Variants in PTPRN2 observed in about 807,000 individuals in gnomAD.
PTPRN2 encodes receptor-type tyrosine-protein phosphatase N2.
A neutral mutation model predicts 118.8 loss-of-function variants in PTPRN2; 74 were observed. That is an observed-to-expected ratio of 0.62 (90% CI 0.52 to 0.76). The LOEUF (loss-of-function observed/expected upper bound fraction) is 0.76. Among genes scored for constraint, PTPRN2 ranks in the 30% least tolerant of loss-of-function variants. The probability of loss-of-function intolerance (pLI) is 0.00; values close to 1 mark genes in which losing one functional copy is unlikely to be tolerated. For synonymous variants in PTPRN2, 641 were observed against 608.0 expected, an observed-to-expected ratio of 1.05 and a Z score of -0.80; for missense variants, 1,481 against 1,394.4, an observed-to-expected ratio of 1.06 and a Z score of -0.99.
chr7:158,145,385 G>A (rs998674208), intron 6 of PTPRN2, among the ~76,000 whole-genome samples: 1 of 152,212 alleles, frequency 6.6e-6, no homozygotes. Flanking sequence ...CGTGAGAAGG[G>A]GCGGCAGTGC....
chr7:157,760,992 T>G (rs991942599), intron 12 of PTPRN2, among the ~76,000 whole-genome samples: 15 of 152,036 alleles, frequency 9.9e-5, no homozygotes, highest in Admixed American at 3.9e-4. Context: ...TGAACTCCCA[T>G]TCACAATTGC....
intron 3 of PTPRN2, among the ~76,000 whole-genome samples, chr7:158,314,682 T>TCC (rs1424080518): frequency 1.3e-5 from 2 of 151,962 alleles, no homozygotes; most frequent in Non-Finnish European, 2.9e-5. Context: ...CACGCGTTTC[T>TCC]CTCAACCCGC....
chr7:157,982,150 C>T (rs1262714883), intron 11 of PTPRN2, among the ~76,000 whole-genome samples: 1 of 127,948 alleles, frequency 7.8e-6, no homozygotes, highest in Non-Finnish European at 1.8e-5. Flanking sequence ...CCCCATAAAC[C>T]CCGAGTCACA....
intron 12 of PTPRN2, among the ~76,000 whole-genome samples, chr7:157,837,970 C>A (rs1156914444): frequency 7.9e-5 from 12 of 151,282 alleles, no homozygotes; most frequent in Admixed American, 7.9e-4. Flanking sequence ...GTGGATGGCA[C>A]GGGAGAAAGC....
chr7:158,222,681 C>T (rs1246194416), intron 3 of PTPRN2, among the ~76,000 whole-genome samples: 1 of 152,052 alleles, frequency 6.6e-6, no homozygotes, highest in Non-Finnish European at 1.5e-5. Flanking sequence ...ACACAATTCA[C>T]CCATGCATAT....
chr7:158,569,681 C>G (rs917894179), intron 1 of PTPRN2, among the ~76,000 whole-genome samples: 4 of 150,454 alleles, frequency 2.7e-5, no homozygotes, highest in African/African-American at 9.9e-5. Flanking sequence ...GACAGGAACG[C>G]GGGGCGCGAG....
intron 12 of PTPRN2, among the ~76,000 whole-genome samples, chr7:157,750,948 G>T (rs1796284): frequency 0.12 from 17,561 of 152,240 alleles, 1,225 homozygotes; most frequent in Admixed American, 0.21. Context: ...GGGCTCGCTG[G>T]TAGGCCGTGG....
At chr7:158,534,846 C>T (rs756432271) in intron 1 of PTPRN2, among the ~76,000 whole-genome samples, 8 of 142,130 alleles carry the variant, frequency 5.6e-5, no homozygotes, top group African/African-American at 1.0e-4. Context: ...GACGCCTGCA[C>T]GTTGGGCAGC....
chr7:157,738,164 C>T (rs1800409789), intron 12 of PTPRN2, among the ~76,000 whole-genome samples: 1 of 152,228 alleles, frequency 6.6e-6, no homozygotes. Flanking sequence ...TCACAGGCAG[C>T]TGAGAATCAA....
intron 1 of PTPRN2, among the ~76,000 whole-genome samples, chr7:158,513,336 G>A (rs188796061): frequency 3.1e-4 from 47 of 152,360 alleles, no homozygotes; most frequent in African/African-American, 9.9e-4. Flanking sequence ...CTGAGAAAAT[G>A]TGATAGCCAA....
At chr7:157,544,782 C>T (rs1047981181) in intron 22 of PTPRN2, among the ~76,000 whole-genome samples, 1 of 152,212 alleles carries the variant, frequency 6.6e-6, no homozygotes, top group African/African-American at 2.4e-5. Context: ...GTGATTTCAG[C>T]CTTGTCTGGC....
At chr7:157,545,426 T>C (rs1430779718) in intron 22 of PTPRN2, among the ~76,000 whole-genome samples, 1 of 145,212 alleles carries the variant, frequency 6.9e-6, no homozygotes, top group Non-Finnish European at 1.5e-5. Context: ...TGTGTGTGGA[T>C]GTATGCATGG....
At chr7:158,494,206 T>A (rs1411853084) in intron 1 of PTPRN2, among the ~76,000 whole-genome samples, 1 of 152,194 alleles carries the variant, frequency 6.6e-6, no homozygotes, top group Non-Finnish European at 1.5e-5. Context: ...GCTCGGCACA[T>A]CCTGTACCAC....
At chr7:158,225,796 G>A (rs1828722728) in intron 3 of PTPRN2, among the ~76,000 whole-genome samples, 1 of 152,138 alleles carries the variant, frequency 6.6e-6, no homozygotes, top group Admixed American at 6.5e-5. Flanking sequence ...TGGATTAGGG[G>A]AGGAACTCTA....
In PTPRN2 at chr7:158,319,593, ACGCACACAGCCTCCCT is replaced by A. The variant is rs1563132002; in HGVS notation, c.164-2677_164-2662del. On this transcript the variant is annotated intron_variant, in intron 2 of 22. Transcript: ENST00000389418. The stretch of plus-strand genomic sequence containing the variant: ...CACACGCACACAGCCTCCCTCACAC[ACGCACACAGCCTCCCT>A]TGTACACACACAGCCTCCCTCACAC... Among the ~76,000 whole-genome samples the A allele has an allele frequency of 2.1e-3, 72 of 34,996 alleles. 6 individuals are homozygous for A. Among genetic ancestry groups the A allele is most frequent in the East Asian group, 4.8e-3 (5 of 1,036 alleles). The allele number at this position is 34,996 out of a possible 152,430, so 23.0% of individuals were successfully genotyped here. A position where few individuals can be genotyped will look rare whatever the true frequency, so the allele number is the denominator to read the frequency against.
chr7:157,979,492 T>C (rs1044815061), intron 11 of PTPRN2, among the ~76,000 whole-genome samples: 7 of 152,332 alleles, frequency 4.6e-5, no homozygotes, highest in African/African-American at 1.4e-4. Context: ...GCACTGGTCA[T>C]GATTCTAAGT....
chr7:157,578,126 G>T lies in PTPRN2; in HGVS notation c.2511C>A (p.Ser837Arg). 1.2e-6 allele frequency: 2 copies of T among 1,611,262 alleles called. No individual in the cohort carries two copies. The highest frequency in any genetic ancestry group is 1.1e-5 in the South Asian group (1 of 90,942). ...VADFWQMVWE[S>R]GCVVIVMLTP... ...TCAGCATGACGATCACCACGCAGCC[G>T]CTCTCCCACACCATCTGCGGACAAA... Residue 837 changes from serine (S) to arginine (R), a missense_variant, in exon 18 of 23, where the codon AGC (serine) becomes AGA (arginine). Coordinates refer to ENST00000389418, the MANE Select transcript of PTPRN2 (RefSeq NM_002847.5).
chr7:158,441,357 G>A (rs1467781144), intron 2 of PTPRN2, among the ~76,000 whole-genome samples: 18 of 149,806 alleles, frequency 1.2e-4, no homozygotes, highest in Admixed American at 1.1e-3. Flanking sequence ...TGGTGGTGAT[G>A]GTGATGGCAG....
chr7:157,756,304 A>T (rs1049782841), intron 12 of PTPRN2, among the ~76,000 whole-genome samples: 4 of 145,208 alleles, frequency 2.8e-5, no homozygotes, highest in Admixed American at 2.1e-4. Context: ...CTTTTAATTA[A>T]TTTTTTTTTT....
Sources: allele counts gnomAD v4.1 joint callset (sites outside exome capture counted in the v4.1 genomes callset), GRCh38; gene constraint gnomAD v4.1.1; transcripts MANE v1.5; gene names NCBI Gene and HGNC (gene_info 2026-07-23, HGNC 2026-07-21).